ARHGAP24: variants seen among roughly 807,000 people sequenced by gnomAD.
ARHGAP24 encodes rho GTPase-activating protein 24.
ARHGAP24 carries 50 observed loss-of-function variants against 76.4 expected under a neutral mutation model. The ratio of observed to expected loss-of-function variants is 0.65; its 90% CI spans 0.52 to 0.83. ARHGAP24 has a LOEUF of 0.83. Ranked by LOEUF, ARHGAP24 falls within the 40% of genes least tolerant of loss-of-function variation. The pLI, the probability that ARHGAP24 is intolerant of heterozygous loss-of-function variation, is 0.00. For synonymous variants in ARHGAP24, 345 were observed against 323.3 expected (o/e 1.07, Z -0.72); for missense variants, 930 against 914.2 (o/e 1.02, Z -0.22).
At chr4:85,681,409 A>G (rs1723199544) in intron 2 of ARHGAP24, among the ~76,000 whole-genome samples, 3 of 152,198 alleles carry the variant, frequency 2.0e-5, no homozygotes, top group South Asian at 2.1e-4. Flanking sequence ...AGCATTTGAT[A>G]CAATTAAACA....
intron 3 of ARHGAP24, among the ~76,000 whole-genome samples, chr4:85,840,275 A>G (rs894806906): frequency 5.3e-5 from 8 of 152,216 alleles, no homozygotes; most frequent in Non-Finnish European, 1.2e-4. Context: ...ACTTTGATTT[A>G]AAAATTACTT....
At chr4:85,962,732 T>A (rs898626335) in intron 5 of ARHGAP24, among the ~76,000 whole-genome samples, 6 of 151,562 alleles carry the variant, frequency 4.0e-5, no homozygotes, top group Non-Finnish European at 7.4e-5. Context: ...GTGTGGATGT[T>A]ACTTCATTAT....
chr4:85,629,901 T>C (rs1218564543), intron 2 of ARHGAP24, among the ~76,000 whole-genome samples: 1 of 152,142 alleles, frequency 6.6e-6, no homozygotes, highest in African/African-American at 2.4e-5. Flanking sequence ...TTTGGGGTTT[T>C]CTATGTATTT....
chr4:85,552,442 T>C (rs550887829), intron 1 of ARHGAP24, among the ~76,000 whole-genome samples: 22 of 152,302 alleles, frequency 1.4e-4, no homozygotes, highest in African/African-American at 5.1e-4. Flanking sequence ...TGTCCAATTG[T>C]GTGGTTGATT....
intron 2 of ARHGAP24, among the ~76,000 whole-genome samples, chr4:85,606,723 G>T (rs1218333558): frequency 6.6e-6 from 1 of 152,222 alleles, no homozygotes; most frequent in East Asian, 1.9e-4. Context: ...AAGCCCCAGG[G>T]ATAGACCAGT....
intron 2 of ARHGAP24, among the ~76,000 whole-genome samples, chr4:85,640,547 A>C (rs2109969992): frequency 6.6e-6 from 1 of 152,282 alleles, no homozygotes; most frequent in East Asian, 1.9e-4. Flanking sequence ...TGACTATAAG[A>C]ATTTTCATGA....
intron 2 of ARHGAP24, among the ~76,000 whole-genome samples, chr4:85,720,911 T>C (rs151186042): frequency 8.3e-4 from 126 of 152,174 alleles, no homozygotes; most frequent in African/African-American, 2.9e-3. Context: ...AGCTTGTGAG[T>C]CATGTAAGTG....
At chr4:85,651,035 C>A (rs761605843) in intron 2 of ARHGAP24, among the ~76,000 whole-genome samples, 4 of 105,710 alleles carry the variant, frequency 3.8e-5, no homozygotes, top group Non-Finnish European at 7.2e-5. Flanking sequence ...CAGAAGTTGG[C>A]CTTGAAGAAA....
At chr4:85,893,785 T>G (rs1367755848) in intron 3 of ARHGAP24, among the ~76,000 whole-genome samples, 3 of 151,778 alleles carry the variant, frequency 2.0e-5, no homozygotes, top group Non-Finnish European at 4.4e-5. Context: ...TCTCTCGGGT[T>G]CATGTCCTTT....
chr4:85,781,369 G>T (rs1218087305), intron 3 of ARHGAP24, among the ~76,000 whole-genome samples: 1 of 152,108 alleles, frequency 6.6e-6, no homozygotes, highest in Non-Finnish European at 1.5e-5. Context: ...TCTTGAAAAT[G>T]ATAGTAGTCA....
chr4:85,879,400 T>A (rs1374238056), intron 3 of ARHGAP24, among the ~76,000 whole-genome samples: 1 of 152,178 alleles, frequency 6.6e-6, no homozygotes, highest in Non-Finnish European at 1.5e-5. Flanking sequence ...GATAATGACT[T>A]AGAAAAACTG....
At chr4:85,693,821 A>G (rs977930525) in intron 2 of ARHGAP24, among the ~76,000 whole-genome samples, 2 of 152,206 alleles carry the variant, frequency 1.3e-5, no homozygotes, top group African/African-American at 4.8e-5. Context: ...CCCAGGGGGC[A>G]TGGGTGCCTA....
At chr4:85,574,757 G>A (rs185586084) in intron 2 of ARHGAP24, among the ~76,000 whole-genome samples, 29 of 152,164 alleles carry the variant, frequency 1.9e-4, no homozygotes, top group Non-Finnish European at 1.2e-4. Context: ...TTTTCCTTAC[G>A]TCTCTGTCTT....
chr4:85,524,270 T>G (rs1724898071), intron 1 of ARHGAP24, among the ~76,000 whole-genome samples: 1 of 152,144 alleles, frequency 6.6e-6, no homozygotes, highest in Non-Finnish European at 1.5e-5. Flanking sequence ...CCAAATTCCT[T>G]AAGTGTCCTT....
At chr4:85,578,138 C>T (rs1427666378) in intron 2 of ARHGAP24, among the ~76,000 whole-genome samples, 1 of 152,140 alleles carries the variant, frequency 6.6e-6, no homozygotes, top group Non-Finnish European at 1.5e-5. Context: ...AAAATGCCTG[C>T]CTATCTGAAA....
intron 2 of ARHGAP24, among the ~76,000 whole-genome samples, chr4:85,578,832 T>C (rs539439123): frequency 6.6e-6 from 1 of 152,306 alleles, no homozygotes; most frequent in South Asian, 2.1e-4. Flanking sequence ...CTATAATATA[T>C]ACTTTATTAA....
At chr4:85,594,841 A>T (rs189638262) in intron 2 of ARHGAP24, among the ~76,000 whole-genome samples, 1 of 152,262 alleles carries the variant, frequency 6.6e-6, no homozygotes. Flanking sequence ...CTAACTACGT[A>T]TGAGGTGAAA....
intron 3 of ARHGAP24, among the ~76,000 whole-genome samples, chr4:85,916,340 A>G (rs1202639525): frequency 1.3e-5 from 2 of 151,956 alleles, no homozygotes; most frequent in African/African-American, 4.8e-5. Flanking sequence ...AGATTGCAAA[A>G]ATTTTCTCCC....
At chr4:85,968,087 T>G (rs1018981561) in intron 5 of ARHGAP24, among the ~76,000 whole-genome samples, 10 of 152,080 alleles carry the variant, frequency 6.6e-5, no homozygotes, top group African/African-American at 2.4e-4. Context: ...TGGTACTGAG[T>G]TAGGTTGCAG....
Sources: allele counts gnomAD v4.1 joint callset (sites outside exome capture counted in the v4.1 genomes callset), GRCh38; gene constraint gnomAD v4.1.1; transcripts MANE v1.5; gene names NCBI Gene and HGNC (gene_info 2026-07-23, HGNC 2026-07-21).